The following C8A variants were observed in gnomAD, a reference collection of about 807,000 sequenced individuals.
C8A encodes the protein complement component C8 alpha chain.
In C8A, 67 loss-of-function variants were observed where a neutral mutation model predicts 65.3. The observed-to-expected ratio is 1.03, with a 90% CI of 0.84 to 1.26. The LOEUF is 1.26. Among genes scored for constraint, C8A ranks in the 50% most tolerant of loss-of-function variants. The pLI is 0.00. For synonymous variants in C8A, 290 were observed against 259.4 expected (o/e 1.12, Z -1.13); for missense variants, 781 against 723.9 (o/e 1.08, Z -0.90).
At chr1:56,860,599 G>T (rs1247734749) in intron 1 of C8A, among the ~76,000 whole-genome samples, 1 of 152,146 alleles carries the variant, frequency 6.6e-6, no homozygotes, top group African/African-American at 2.4e-5. Flanking sequence ...ACAAGGAGCT[G>T]CTTAAAAGAG....
chr1:56,892,505 C>T (rs1046742397), intron 7 of C8A, among the ~76,000 whole-genome samples: 1 of 152,038 alleles, frequency 6.6e-6, no homozygotes, highest in Admixed American at 6.6e-5. Flanking sequence ...GGACTCACAG[C>T]CTGGGAAAAA....
At chr1:56,888,832 T>C (rs552147857) in intron 7 of C8A, among the ~76,000 whole-genome samples, 1 of 152,294 alleles carries the variant, frequency 6.6e-6, no homozygotes, top group African/African-American at 2.4e-5. Context: ...TGACACCATT[T>C]AGAGATCGGT....
At chr1:56,866,914 T>G (rs537216263) in intron 1 of C8A, among the ~76,000 whole-genome samples, 2 of 152,318 alleles carry the variant, frequency 1.3e-5, no homozygotes, top group East Asian at 3.9e-4. Context: ...GGAAATGGGT[T>G]TTGCCATCAA....
At chr1:56,890,632 T>TTTG (rs1319192632) in intron 7 of C8A, among the ~76,000 whole-genome samples, 5 of 152,038 alleles carry the variant, frequency 3.3e-5, no homozygotes, top group South Asian at 2.1e-4. Context: ...ATTCTCTTTC[T>TTTG]TTGTTGTTGT....
At position 56,876,523 on chromosome 1, in the gene C8A, T is replaced by C. The variant is rs117482807; in HGVS notation, c.464+314T>C. ...CAGCTTCCATGAAGCCTTCCTGATG[T>C]CTCAGAAAGATAGCTCTTCTCTGAT... On this transcript the variant is annotated intron_variant, in intron 4 of 10. Coordinates refer to ENST00000361249, the MANE Select transcript of C8A (RefSeq NM_000562.3). Among the ~76,000 whole-genome samples the C allele has an allele frequency of 2.7e-3, 414 of 152,134 alleles. 29 individuals carry two copies. In the South Asian group the frequency reaches 0.08, roughly 29 times the overall value.
At chr1:56,894,778 G>T (rs1644375578) in intron 7 of C8A, among the ~76,000 whole-genome samples, 1 of 152,082 alleles carries the variant, frequency 6.6e-6, no homozygotes, top group African/African-American at 2.4e-5. Flanking sequence ...ATACCAAGAT[G>T]CTTAATACAT....
intron 7 of C8A, among the ~76,000 whole-genome samples, chr1:56,892,184 C>T (rs1644351780): frequency 6.6e-6 from 1 of 152,128 alleles, no homozygotes; most frequent in Non-Finnish European, 1.5e-5. Flanking sequence ...CCAGGAATAA[C>T]ATTCATGTCC....
At chr1:56,893,890 G>A (rs1296489519) in intron 7 of C8A, among the ~76,000 whole-genome samples, 1 of 152,102 alleles carries the variant, frequency 6.6e-6, no homozygotes, top group Non-Finnish European at 1.5e-5. Flanking sequence ...AGACAAATTA[G>A]TTTACCTCAC....
intron 9 of C8A, among the ~76,000 whole-genome samples, chr1:56,910,833 G>A (rs931023043): frequency 1.3e-5 from 2 of 152,258 alleles, no homozygotes; most frequent in Middle Eastern, 3.4e-3. Context: ...TGTTTCCAGG[G>A]AAGTGCGACT....
chr1:56,912,235 C>A (rs575308992), intron 9 of C8A, among the ~76,000 whole-genome samples, 168 bp from the exon 10 acceptor site: 1 of 152,270 alleles, frequency 6.6e-6, no homozygotes, highest in East Asian at 1.9e-4. Context: ...GAGTTTAATA[C>A]CTATGTCACA....
At chr1:56,874,718 G>C (rs983720073) in intron 2 of C8A, among the ~76,000 whole-genome samples, 1 of 152,208 alleles carries the variant, frequency 6.6e-6, no homozygotes, top group Non-Finnish European at 1.5e-5. Context: ...ATCTTGTCCA[G>C]GCCTTTCATT....
At position 56,910,277 on chromosome 1, in the gene C8A, A is replaced by G. The variant is rs577536331; in HGVS notation, c.1381-2126A>G. Among the ~76,000 whole-genome samples the G allele has an allele frequency of 7.9e-5, 12 of 152,340 alleles. No individual in the cohort carries two copies. The East Asian group carries it at 1.5e-3, about 20-fold the overall frequency. On this transcript the variant is annotated intron_variant, in intron 9 of 10. Transcript: ENST00000361249. ...TTTGTTATGTTGTGTTGTGTGATAT[A>G]TTATTATGCATTATCTTGTGTTGCT...
intron 1 of C8A, among the ~76,000 whole-genome samples, chr1:56,856,410 G>A (rs958772056): frequency 1.3e-5 from 2 of 152,112 alleles, no homozygotes; most frequent in South Asian, 2.1e-4. Context: ...TAATCATTCA[G>A]TGAAAGCTGT....
At chr1:56,873,804 T>C (rs1644171055) in intron 2 of C8A, among the ~76,000 whole-genome samples, 1 of 152,166 alleles carries the variant, frequency 6.6e-6, no homozygotes. Flanking sequence ...ACTGCATGTT[T>C]TGTATTATTA....
intron 7 of C8A, among the ~76,000 whole-genome samples, chr1:56,886,878 G>T (rs1644304588): frequency 6.6e-6 from 1 of 152,132 alleles, no homozygotes. Flanking sequence ...TTCTCAAAGT[G>T]TGGGCCCCAA....
chr1:56,911,072 T>G (rs929942942), intron 9 of C8A, among the ~76,000 whole-genome samples: 1 of 151,798 alleles, frequency 6.6e-6, no homozygotes, highest in African/African-American at 2.4e-5. Context: ...TGGGTTTTTT[T>G]TTTTTTTTTA....
At position 56,897,535 on chromosome 1, in the gene C8A, G is replaced by A. The variant is rs527667830; in HGVS notation, c.1097-9132G>A. On this transcript the variant is annotated intron_variant, in intron 7 of 10. Transcript: ENST00000361249. ...GAGGCTGGGGACTGAGGGCAACAGGGCTCTTGGGCTGTGTATTTACTATAC... is the reference window on the plus strand; with the variant it reads ...GAGGCTGGGGACTGAGGGCAACAGGACTCTTGGGCTGTGTATTTACTATAC... Among the ~76,000 whole-genome samples, 46 of 152,324 alleles carry A rather than the reference G, an allele frequency of 3.0e-4. No individual in the cohort carries two copies. The Middle Eastern group carries it at 0.017, about 56-fold the overall frequency.
At chr1:56,903,516 A>G (rs1372119426) in intron 7 of C8A, among the ~76,000 whole-genome samples, 1 of 152,196 alleles carries the variant, frequency 6.6e-6, no homozygotes, top group Non-Finnish European at 1.5e-5. Flanking sequence ...ATGGACTAAT[A>G]CACTTGGTCA....
chr1:56,896,919 C>A (rs979982243), intron 7 of C8A, among the ~76,000 whole-genome samples: 1 of 152,184 alleles, frequency 6.6e-6, no homozygotes, highest in Non-Finnish European at 1.5e-5. Context: ...TGTGGCAACC[C>A]TTCAAGCTCT....
Sources: allele counts gnomAD v4.1 joint callset (sites outside exome capture counted in the v4.1 genomes callset), GRCh38; gene constraint gnomAD v4.1.1; transcripts MANE v1.5; gene names NCBI Gene and HGNC (gene_info 2026-07-23, HGNC 2026-07-21).